Variants in MELK observed in about 807,000 individuals in gnomAD.
The protein encoded by MELK is pEg3 kinase.
MELK carries 81 observed loss-of-function variants against 85.0 expected under a neutral mutation model. That is an observed-to-expected ratio of 0.95 (90% confidence interval 0.80 to 1.15). The LOEUF (loss-of-function observed/expected upper bound fraction) is 1.15, where lower values mean the gene tolerates loss of function less well. MELK is among the 50% of genes most tolerant of loss of function. MELK has a pLI of 0.00. For missense variants in MELK, 754 were observed against 777.5 expected (o/e 0.97, Z 0.36); for synonymous variants, 252 against 265.0 (o/e 0.95, Z 0.48).
At chr9:36,673,293 C>T (rs79339189) in intron 16 of MELK, among the ~76,000 whole-genome samples, 2 of 152,124 alleles carry the variant, frequency 1.3e-5, no homozygotes, top group African/African-American at 2.4e-5. Flanking sequence ...CTCAGTTTCA[C>T]GACATTTGCT....
rs758666020 is a variant in MELK at position 36,584,392 on chromosome 9, A to G, written c.144+680A>G. 9.9e-4 allele frequency among the ~76,000 whole-genome samples: 139 copies of G among 140,984 alleles called. 1 individual carries two copies. Among genetic ancestry groups the G allele is most frequent in the Non-Finnish European group, 1.2e-3 (78 of 66,118 alleles). The allele number at this position is 140,984 out of a possible 152,430, so 92.5% of individuals were successfully genotyped here. On this transcript the variant is annotated intron_variant, in intron 3 of 17. Transcript: ENST00000298048. The stretch of plus-strand genomic sequence containing the variant: ...GAGTGCAGTGGCGCGATCTTGGCTC[A>G]CGGCGACCTCCGCCTCCCAGGTTCA...
chr9:36,590,175 C>T (rs899424768), intron 4 of MELK, among the ~76,000 whole-genome samples: 2 of 152,082 alleles, frequency 1.3e-5, no homozygotes, highest in African/African-American at 4.8e-5. Flanking sequence ...CCTCCTCGGC[C>T]TCCCAGAGTG....
intron 4 of MELK, among the ~76,000 whole-genome samples, chr9:36,590,881 G>C (rs981286350): frequency 6.6e-6 from 1 of 151,568 alleles, no homozygotes; most frequent in South Asian, 2.1e-4. Flanking sequence ...TTTAAAACCA[G>C]CCTCAGTAAC....
At chr9:36,615,377 G>T (rs1407351023) in intron 8 of MELK, among the ~76,000 whole-genome samples, 1 of 133,694 alleles carries the variant, frequency 7.5e-6, no homozygotes, top group Non-Finnish European at 1.6e-5. Context: ...GGTCGGCACG[G>T]CTGGCCGGGC....
chr9:36,574,155 G>C (rs896501140), intron 1 of MELK, among the ~76,000 whole-genome samples: 2 of 152,088 alleles, frequency 1.3e-5, no homozygotes, highest in Middle Eastern at 3.2e-3. Context: ...CCAAGGGTCT[G>C]TCCTTTCTGT....
intron 1 of MELK, among the ~76,000 whole-genome samples, chr9:36,575,150 C>G (rs1244376679): frequency 1.3e-5 from 2 of 152,022 alleles, no homozygotes; most frequent in Non-Finnish European, 2.9e-5. Flanking sequence ...AAAACAAAAA[C>G]AAAACCCAAT....
At chr9:36,630,048 T>C in intron 8 of MELK, 1 of 363,704 alleles carries the variant, frequency 2.7e-6, no homozygotes, top group Non-Finnish European at 5.0e-6. Context: ...TTTCACCACG[T>C]TGGCCAGGCT....
intron 13 of MELK, among the ~76,000 whole-genome samples, chr9:36,658,133 T>A (rs895611448): frequency 6.6e-6 from 1 of 152,082 alleles, no homozygotes; most frequent in Non-Finnish European, 1.5e-5. Context: ...AATCTTTTTA[T>A]TGTGACTTTA....
intron 4 of MELK, among the ~76,000 whole-genome samples, chr9:36,592,277 T>C (rs1174423071): frequency 6.7e-6 from 1 of 148,900 alleles, no homozygotes; most frequent in African/African-American, 2.5e-5. Context: ...CGGGTTCAAG[T>C]GATTTTCCTG....
chr9:36,677,129 A>G (rs1056252764), intron 17 of MELK, 31 bp from the exon 18 acceptor site: 3 of 1,594,604 alleles, frequency 1.9e-6, no homozygotes, highest in African/African-American at 1.3e-5. Flanking sequence ...TGGTTCTCCT[A>G]CTAACTAGCT....
At chr9:36,587,695 C>G (rs1823073222) in intron 3 of MELK, among the ~76,000 whole-genome samples, 1 of 151,916 alleles carries the variant, frequency 6.6e-6, no homozygotes, top group Non-Finnish European at 1.5e-5. Context: ...CTCCTGGGTT[C>G]AAGCGATTCT....
chr9:36,597,460 T>C (rs1442676370), intron 6 of MELK, among the ~76,000 whole-genome samples, 170 bp downstream of exon 6: 1 of 152,204 alleles, frequency 6.6e-6, no homozygotes, highest in African/African-American at 2.4e-5. Context: ...CTCTAGATGA[T>C]CATAACATGC....
At chr9:36,667,694 C>T (rs762759863) in intron 14 of MELK, among the ~76,000 whole-genome samples, 1 of 152,150 alleles carries the variant, frequency 6.6e-6, no homozygotes, top group Non-Finnish European at 1.5e-5. Context: ...TGGCTGAAGC[C>T]ATGATTGTTA....
At chr9:36,636,769 T>TTTCC (rs1305698721) in intron 10 of MELK, among the ~76,000 whole-genome samples, 2 of 125,466 alleles carry the variant, frequency 1.6e-5, no homozygotes, top group African/African-American at 6.7e-5. Flanking sequence ...TCTTTCTTTC[T>TTTCC]TTCTTTCTTT....
At chr9:36,668,516 T>C (rs796487085) in intron 14 of MELK, among the ~76,000 whole-genome samples, 6 of 152,050 alleles carry the variant, frequency 3.9e-5, no homozygotes, top group African/African-American at 1.4e-4. Context: ...AAAGCTTACA[T>C]CTCTTTTTTT....
intron 10 of MELK, among the ~76,000 whole-genome samples, chr9:36,636,938 CA>C (rs1186182625): frequency 5.3e-5 from 8 of 152,094 alleles, no homozygotes; most frequent in African/African-American, 1.9e-4. Context: ...GGGTTCATGC[CA>C]TTCCCCTCCC....
chr9:36,656,997 G>A (rs751169662), intron 12 of MELK, among the ~76,000 whole-genome samples: 6 of 152,130 alleles, frequency 3.9e-5, no homozygotes, highest in Middle Eastern at 3.2e-3. Flanking sequence ...GTACAGTAAC[G>A]TGCTACACAG....
At chr9:36,656,155 G>A (rs1831220358) in intron 12 of MELK, among the ~76,000 whole-genome samples, 1 of 152,156 alleles carries the variant, frequency 6.6e-6, no homozygotes, top group Non-Finnish European at 1.5e-5. Context: ...GACCCCAAAT[G>A]TCCTATCCCT....
chr9:36,586,356 A>AAT (rs1277318792), intron 3 of MELK, among the ~76,000 whole-genome samples: 129 of 152,154 alleles, frequency 8.5e-4, no homozygotes, highest in Non-Finnish European at 1.6e-3. Context: ...AAAAAAAAAA[A>AAT]AAAGTCAAAG....
Sources: gnomAD v4.1 joint callset for allele counts (sites outside exome capture counted in the v4.1 genomes callset) on GRCh38, gnomAD v4.1.1 for gene constraint, MANE v1.5 for transcripts, NCBI Gene and HGNC (gene_info 2026-07-23, HGNC 2026-07-21) for gene names.